The following LRRC53 variants were observed in gnomAD, a reference collection of about 807,000 sequenced individuals.
LRRC53 encodes leucine rich repeat containing 53, also known as leucine-rich repeat-containing protein 53.
Under a neutral mutation model 13.6 loss-of-function variants are expected in LRRC53, and 25 were observed. The observed-to-expected ratio is 1.83, with a 90% CI of 1.34 to 2.56. The LOEUF is 2.56. LRRC53 is among the 30% of genes most tolerant of loss of function. The pLI, the probability that LRRC53 is intolerant of heterozygous loss-of-function variation, is 0.00. For missense variants in LRRC53, 527 were observed against 275.8 expected (o/e 1.91, Z -6.45); for synonymous variants, 204 against 109.8 (o/e 1.86, Z -5.37).
the LRRC53 span, among the ~76,000 whole-genome samples, chr1:74,533,771 A>G: frequency 6.6e-6 from 1 of 152,102 alleles, no homozygotes; most frequent in South Asian, 2.1e-4. Flanking sequence ...AGGGACATGG[A>G]TGAAATTGGA....
chr1:74,520,804 TG>T, the LRRC53 span, among the ~76,000 whole-genome samples: 1 of 152,054 alleles, frequency 6.6e-6, no homozygotes, highest in Non-Finnish European at 1.5e-5. Context: ...GGGTTGCAGC[TG>T]GGGTGGGTGT....
At chr1:74,476,087 C>T (rs1260313796) in intron 3 of LRRC53, among the ~76,000 whole-genome samples, 1 of 152,118 alleles carries the variant, frequency 6.6e-6, no homozygotes, top group Non-Finnish European at 1.5e-5. Flanking sequence ...TGAACTGAAA[C>T]TCATTTAAGA....
At chr1:74,483,777 T>C (rs1668616952) in intron 1 of LRRC53, among the ~76,000 whole-genome samples, 1 of 152,184 alleles carries the variant, frequency 6.6e-6, no homozygotes, top group African/African-American at 2.4e-5. Flanking sequence ...GGTAGGTATT[T>C]AACCAAGTCT....
chr1:74,512,267 G>A (rs893598484), intron 1 of LRRC53, among the ~76,000 whole-genome samples: 1 of 152,126 alleles, frequency 6.6e-6, no homozygotes, highest in Non-Finnish European at 1.5e-5. Flanking sequence ...TAATCTAGAT[G>A]AGACATGAGT....
chr1:74,513,348 T>C (rs1413010187), upstream of LRRC53, among the ~76,000 whole-genome samples: 2 of 152,216 alleles, frequency 1.3e-5, no homozygotes, highest in Non-Finnish European at 2.9e-5. Flanking sequence ...AGTGAGTCCA[T>C]GAAATGTTGG....
chr1:74,494,951 C>A (rs1451030815), intron 1 of LRRC53, among the ~76,000 whole-genome samples: 1 of 152,114 alleles, frequency 6.6e-6, no homozygotes, highest in Non-Finnish European at 1.5e-5. Context: ...CAGCAGCAGT[C>A]CCAGTTAGGC....
Position 74,470,031 on chromosome 1 carries a change from G to A in LRRC53, c.3591C>T (p.Ser1197=), listed in dbSNP as rs1667848395. ...AMTVETHEAL[S]FLPGLKDSFE... Reference sequence around the variant, plus strand: ...AACTGTCTTTTAACCCTGGTAAGAAGGAAAGCGCTTCATGTGTCTCCACTG... The same window carrying A: ...AACTGTCTTTTAACCCTGGTAAGAAAGAAAGCGCTTCATGTGTCTCCACTG... The change falls in exon 5 of 5, where the codon TCC becomes TCT. Residue 1197 remains serine (S), a synonymous_variant. Coordinates refer to ENST00000294635, the MANE Select transcript of LRRC53 (RefSeq NM_001382280.1). The A allele has an allele frequency of 2.5e-6, 1 of 400,698 alleles. No homozygotes were observed. The allele number at this position is 400,698 out of a possible 1,614,324, so 24.8% of individuals were successfully genotyped here.
chr1:74,477,728 T>G (rs749458712), intron 3 of LRRC53, among the ~76,000 whole-genome samples: 6 of 152,184 alleles, frequency 3.9e-5, no homozygotes, highest in Non-Finnish European at 8.8e-5. Flanking sequence ...GTATGGTCAC[T>G]TTCCATTAGT....
the LRRC53 span, among the ~76,000 whole-genome samples, chr1:74,528,198 GA>G: frequency 6.6e-6 from 1 of 152,180 alleles, no homozygotes; most frequent in Non-Finnish European, 1.5e-5. Context: ...ATGGGCACAG[GA>G]AAGTGCCTGG....
At chr1:74,534,619 G>A in the LRRC53 span, among the ~76,000 whole-genome samples, 40 of 152,174 alleles carry the variant, frequency 2.6e-4, no homozygotes, top group East Asian at 4.1e-3. Flanking sequence ...ATTATTTTTC[G>A]TATTTCTTCT....
At chr1:74,531,513 A>T in the LRRC53 span, among the ~76,000 whole-genome samples, 1 of 152,212 alleles carries the variant, frequency 6.6e-6, no homozygotes, top group African/African-American at 2.4e-5. Context: ...CAAAGCATAG[A>T]AAGGCATTTA....
chr1:74,530,001 G>A, the LRRC53 span, among the ~76,000 whole-genome samples: 1 of 151,990 alleles, frequency 6.6e-6, no homozygotes, highest in Non-Finnish European at 1.5e-5. Context: ...GTCTTAATCT[G>A]TCACCCAGCC....
rs971911939 is a variant in LRRC53 at position 74,492,106 on chromosome 1, C to T, written c.-26-8731G>A. On this transcript the variant is annotated intron_variant, in intron 1 of 4. Transcript: ENST00000294635. ...CCCCTCCTCCACTCAGCTGATGTCT[C>T]CTGCATCAAGTAACAGCAGTGGGTC... 4 of 1,605,196 alleles carry T rather than the reference C, an allele frequency of 2.5e-6. No homozygotes were observed. In the South Asian group the frequency reaches 3.3e-5, roughly 13 times the overall value.
At chr1:74,479,888 G>A (rs1668393221) in intron 3 of LRRC53, among the ~76,000 whole-genome samples, 1 of 152,216 alleles carries the variant, frequency 6.6e-6, no homozygotes, top group Non-Finnish European at 1.5e-5. Context: ...AGGTTAACCT[G>A]TTCAAGGTCA....
rs1358342001 is a variant in LRRC53, at chr1:74,470,108, C to T, written c.3514G>A (p.Val1172Ile). 2 of 400,678 alleles carry T rather than the reference C, an allele frequency of 5.0e-6. No homozygotes were observed. Among genetic ancestry groups the T allele is most frequent in the East Asian group, 3.6e-5 (1 of 28,070 alleles). 24.8% of individuals were successfully genotyped at this position (400,678 alleles called of 1,614,324 possible). The change falls in exon 5 of 5, where the codon GTT becomes ATT. Residue 1172 changes from valine (V) to isoleucine (I), a missense_variant. Coordinates refer to ENST00000294635, the MANE Select transcript of LRRC53 (RefSeq NM_001382280.1). ...TCTTTATCTGGTTGAATATTTTGAA[C>T]TTCTCTAAAATTATGTACATTACTG... ...VNSNVHNFRE[V>I]QNIQPDKDSA...
Position 74,480,586 on chromosome 1 carries a change from G to A in LRRC53, c.471C>T (p.His157=), listed in dbSNP as rs1668439927. The change falls in exon 3 of 5, where the codon CAC becomes CAT. Residue 157 remains histidine, a synonymous_variant. Transcript: ENST00000294635. ...TDSSFGGTNL[H]SLRYLDLSNN... is the part of the protein sequence containing the mutation. ...TGGATAAATCCAGATACCTGAGACTGTGGAGATTCGTGCCTCCGAAAGAAC... is the reference window on the plus strand; with the variant it reads ...TGGATAAATCCAGATACCTGAGACTATGGAGATTCGTGCCTCCGAAAGAAC... The A allele has an allele frequency of 1.4e-6, 1 of 717,190 alleles. No homozygotes were observed. The highest frequency in any genetic ancestry group is 1.7e-5 in the African/African-American group (1 of 57,284). 44.4% of individuals were successfully genotyped at this position (717,190 alleles called of 1,614,324 possible). A position where few individuals can be genotyped will look rare whatever the true frequency, so the allele number is the denominator to read the frequency against.
chr1:74,480,954 T>C lies in LRRC53; in HGVS notation c.103A>G (p.Thr35Ala), dbSNP rs1308811814. The change falls in exon 3 of 5, where the codon ACG (threonine) becomes GCG (alanine). Residue 35 changes from threonine to alanine, a missense_variant. Thr to Ala is a moderately conservative substitution (Grantham distance 58). Transcript: ENST00000294635. ...CCATCGGTGATGATTAAAACCCTCG[T>C]GGTCATAGGGGCTGCTGTGGGGAAA... Reference protein sequence around the residue: ...LTYIVAAPMTTRVLIITDGYL... With the variant: ...LTYIVAAPMTARVLIITDGYL... 1.4e-6 allele frequency: 1 copy of C among 714,476 alleles called. No individual in the cohort carries two copies. The highest frequency in any genetic ancestry group is 2.6e-6 in the Non-Finnish European group (1 of 383,560). The allele number at this position is 714,476 out of a possible 1,614,324, so 44.3% of individuals were successfully genotyped here.
At chr1:74,481,935 C>A (rs1457700826) in intron 2 of LRRC53, among the ~76,000 whole-genome samples, 2 of 152,028 alleles carry the variant, frequency 1.3e-5, no homozygotes, top group African/African-American at 2.4e-5. Flanking sequence ...GACTGCATCG[C>A]GGAAACAAAG....
At position 74,492,354 on chromosome 1, in the gene LRRC53, G is replaced by T. The variant is rs1191032630; in HGVS notation, c.-26-8979C>A. 6.0e-6 allele frequency: 8 copies of T among 1,331,462 alleles called. No individual in the cohort carries two copies. In the East Asian group the frequency reaches 1.8e-4, roughly 31 times the overall value. The allele number at this position is 1,331,462 out of a possible 1,614,324, so 82.5% of individuals were successfully genotyped here. On this transcript the variant is annotated intron_variant, in intron 1 of 4. Transcript: ENST00000294635. ...CAACTGATTTGATTACTATTAACAG[G>T]GTTTGATTACCCCCTGAAAAACTTT...
Sources: gnomAD v4.1 joint callset for allele counts (sites outside exome capture counted in the v4.1 genomes callset) on GRCh38, gnomAD v4.1.1 for gene constraint, MANE v1.5 for transcripts, NCBI Gene and HGNC (gene_info 2026-07-23, HGNC 2026-07-21) for gene names.